The following CDYL2 variants were observed in gnomAD, a reference collection of about 807,000 sequenced individuals.
CDYL2 encodes chromodomain Y like 2.
Under a neutral mutation model 49.4 loss-of-function variants are expected in CDYL2, and 23 were observed. The ratio of observed to expected loss-of-function variants is 0.47; its 90% confidence interval spans 0.34 to 0.66. CDYL2 has a LOEUF of 0.66. Among genes scored for constraint, CDYL2 ranks in the 30% least tolerant of loss-of-function variants. The pLI is 0.01. For synonymous variants in CDYL2, 360 were observed against 268.8 expected (o/e 1.34, Z -3.32); for missense variants, 678 against 656.4 (o/e 1.03, Z -0.36).
At chr16:80,714,230 T>A (rs1904718389) in intron 1 of CDYL2, among the ~76,000 whole-genome samples, 1 of 152,072 alleles carries the variant, frequency 6.6e-6, no homozygotes, top group Non-Finnish European at 1.5e-5. Flanking sequence ...TGGTATCCCC[T>A]AAACTGCAAG....
At chr16:80,619,639 C>G (rs952268323) in intron 4 of CDYL2, among the ~76,000 whole-genome samples, 6 of 152,186 alleles carry the variant, frequency 3.9e-5, no homozygotes, top group African/African-American at 1.4e-4. Flanking sequence ...CCACGCAAAG[C>G]GCAAACTGTG....
rs371421483 is a variant in CDYL2 at position 80,771,466 on chromosome 16, G to A, written c.24+32684C>T. Among the ~76,000 whole-genome samples the A allele has an allele frequency of 4.3e-4, 66 of 152,346 alleles. No individual in the cohort carries two copies. In the Middle Eastern group the frequency reaches 0.01, roughly 24 times the overall value. On this transcript the variant is annotated intron_variant, in intron 1 of 6. Transcript: ENST00000570137. ...CCCCTGTAATCCCAGCACTTCGGGAGGCCGAGGTAGGCGGATCACTTGTGG... is the reference window on the plus strand; with the variant it reads ...CCCCTGTAATCCCAGCACTTCGGGAAGCCGAGGTAGGCGGATCACTTGTGG...
intron 1 of CDYL2, among the ~76,000 whole-genome samples, chr16:80,795,958 T>A (rs975670377): frequency 5.3e-5 from 8 of 152,232 alleles, no homozygotes; most frequent in South Asian, 2.1e-4. Context: ...ATTAAAAGCT[T>A]TGTCTAGCCA....
chr16:80,698,516 T>G (rs1904285310), intron 1 of CDYL2, among the ~76,000 whole-genome samples: 1 of 152,174 alleles, frequency 6.6e-6, no homozygotes. Flanking sequence ...TTTGGATCTG[T>G]GTCCTTGCCC....
chr16:80,610,384 C>A (rs1906542167), intron 5 of CDYL2, among the ~76,000 whole-genome samples: 1 of 152,166 alleles, frequency 6.6e-6, no homozygotes, highest in Admixed American at 6.5e-5. Context: ...GGGTGTTGAC[C>A]TTCCGATAAA....
intron 3 of CDYL2, 115 bp downstream of exon 3, chr16:80,632,904 A>C: frequency 1.0e-6 from 1 of 994,576 alleles, no homozygotes; most frequent in Non-Finnish European, 1.5e-6. Flanking sequence ...GTTTTTATGC[A>C]CGCTAGTTAC....
At chr16:80,647,129 T>C (rs1597147025) in intron 2 of CDYL2, among the ~76,000 whole-genome samples, 1 of 152,216 alleles carries the variant, frequency 6.6e-6, no homozygotes, top group East Asian at 1.9e-4. Context: ...TAAAATTAAA[T>C]ACCTAGGAAT....
chr16:80,800,531 G>A (rs975202312), intron 1 of CDYL2, among the ~76,000 whole-genome samples: 62 of 151,910 alleles, frequency 4.1e-4, no homozygotes, highest in African/African-American at 1.5e-3. Context: ...ATATCCATGG[G>A]TTCCACATCT....
At chr16:80,656,233 C>T (rs149132540) in intron 2 of CDYL2, among the ~76,000 whole-genome samples, 1 of 152,220 alleles carries the variant, frequency 6.6e-6, no homozygotes, top group Non-Finnish European at 1.5e-5. Context: ...CTGGAGGACA[C>T]CAAGGCATTC....
In CDYL2 at chr16:80,604,520, C is replaced by A. The variant is rs750329390; in HGVS notation, c.1389G>T (p.Val463=). Residue 463 remains valine (V), a synonymous_variant, in exon 7 of 7, where the codon GTG becomes GTT. Coordinates refer to ENST00000570137, the MANE Select transcript of CDYL2 (RefSeq NM_152342.4). ...AVVLEESKCL[V]RSFLKSVLED... ...CCAGCACTGATTTCAGGAAGCTCCG[C>A]ACGAGGCATTTGGACTCCTCTAACA... 2.5e-6 allele frequency: 4 copies of A among 1,614,206 alleles called. No individual in the cohort carries two copies. In the Admixed American group the frequency reaches 5.0e-5, roughly 20 times the overall value.
At position 80,601,178 on chromosome 16, in the gene CDYL2, C is replaced by G. The variant is rs1003185623; in HGVS notation, c.*3210G>C. 3 of 152,180 alleles carry G rather than the reference C, an allele frequency of 2.0e-5. No individual in the cohort carries two copies. Among genetic ancestry groups the G allele is most frequent in the Non-Finnish European group, 4.4e-5 (3 of 68,044 alleles). 9.4% of individuals were successfully genotyped at this position (152,180 alleles called of 1,614,324 possible). A position where few individuals can be genotyped will look rare whatever the true frequency, so the allele number is the denominator to read the frequency against. Reference sequence around the variant, plus strand: ...TGGTGAGAAGGTATGACCACCCTAACAAAAGTTCTGCACAAAGTCTTCTTG... The same window carrying G: ...TGGTGAGAAGGTATGACCACCCTAAGAAAAGTTCTGCACAAAGTCTTCTTG... On this transcript the variant is annotated 3_prime_UTR_variant, in exon 7 of 7. Coordinates refer to ENST00000570137, the MANE Select transcript of CDYL2 (RefSeq NM_152342.4).
At chr16:80,766,252 G>C (rs1906720807) in intron 1 of CDYL2, among the ~76,000 whole-genome samples, 1 of 152,024 alleles carries the variant, frequency 6.6e-6, no homozygotes, top group Non-Finnish European at 1.5e-5. Context: ...TGTACAGTAT[G>C]TGAATCACAT....
intron 1 of CDYL2, among the ~76,000 whole-genome samples, chr16:80,686,066 T>C (rs1234753488): frequency 6.6e-6 from 1 of 152,226 alleles, no homozygotes; most frequent in African/African-American, 2.4e-5. Flanking sequence ...GATGAAGATA[T>C]TGCATATAAG....
At chr16:80,736,686 G>T (rs1905544362) in intron 1 of CDYL2, among the ~76,000 whole-genome samples, 1 of 152,184 alleles carries the variant, frequency 6.6e-6, no homozygotes, top group Admixed American at 6.5e-5. Flanking sequence ...CAAAGTGGGA[G>T]GATCACTTGA....
At chr16:80,619,701 A>C (rs1276023435) in intron 4 of CDYL2, among the ~76,000 whole-genome samples, 2 of 152,218 alleles carry the variant, frequency 1.3e-5, no homozygotes, top group Non-Finnish European at 2.9e-5. Context: ...CTTTCACATA[A>C]CAGTGCCCAG....
chr16:80,713,706 G>A (rs1446179925), intron 1 of CDYL2, among the ~76,000 whole-genome samples: 1 of 152,136 alleles, frequency 6.6e-6, no homozygotes, highest in African/African-American at 2.4e-5. Flanking sequence ...TGAACTGGGT[G>A]TACATTTGAG....
chr16:80,690,641 A>T (rs1477295452), intron 1 of CDYL2, among the ~76,000 whole-genome samples: 4 of 152,226 alleles, frequency 2.6e-5, no homozygotes, highest in African/African-American at 9.6e-5. Context: ...TACACCTCTC[A>T]TCGTGCAGTG....
chr16:80,621,205 G>T (rs1460833156), intron 3 of CDYL2, among the ~76,000 whole-genome samples: 1 of 152,242 alleles, frequency 6.6e-6, no homozygotes, highest in Non-Finnish European at 1.5e-5. Flanking sequence ...TGCAGATCTG[G>T]AAGCCTGGCC....
Position 80,712,215 on chromosome 16 carries a change from A to ATATATATATATCTCTC in CDYL2, c.25-27087_25-27086insGAGAGATATATATATA, listed in dbSNP as rs763194077. On this transcript the variant is annotated intron_variant, in intron 1 of 6. Transcript: ENST00000570137. ...TGTATATATATATATATATATATAT[A>ATATATATATATCTCTC]TCTCCAAACCACTGCTCACTGTGAT... Among the ~76,000 whole-genome samples, 278 of 128,362 alleles carry ATATATATATATCTCTC rather than the reference A, an allele frequency of 2.2e-3. 2 individuals carry two copies. The highest frequency in any genetic ancestry group is 5.1e-3 in the Middle Eastern group (1 of 196). The allele number at this position is 128,362 out of a possible 152,430, so 84.2% of individuals were successfully genotyped here. A position where few individuals can be genotyped will look rare whatever the true frequency, so the allele number is the denominator to read the frequency against.
Sources: gnomAD v4.1 joint callset for allele counts (sites outside exome capture counted in the v4.1 genomes callset) on GRCh38, gnomAD v4.1.1 for gene constraint, MANE v1.5 for transcripts, NCBI Gene and HGNC (gene_info 2026-07-23, HGNC 2026-07-21) for gene names.